The following APH1B variants were observed in gnomAD, a reference collection of about 807,000 sequenced individuals.
The protein encoded by APH1B is gamma-secretase subunit APH-1B.
Under a neutral mutation model 28.2 loss-of-function variants are expected in APH1B, and 27 were observed. The observed-to-expected ratio is 0.96, with a 90% CI of 0.70 to 1.32. The LOEUF (loss-of-function observed/expected upper bound fraction) is 1.32, where lower values mean the gene tolerates loss of function less well. Among genes scored for constraint, APH1B ranks in the 40% most tolerant of loss-of-function variants. The probability of loss-of-function intolerance (pLI) is 0.00; values close to 1 mark genes in which losing one functional copy is unlikely to be tolerated. For missense variants in APH1B, 305 were observed against 313.6 expected (o/e 0.97, Z 0.21); for synonymous variants, 141 against 124.6 (o/e 1.13, Z -0.88).
At chr15:63,286,735 C>T (rs1329808531) in intron 3 of APH1B, 107 bp downstream of exon 3, 1 of 1,047,762 alleles carries the variant, frequency 9.5e-7, no homozygotes, top group Non-Finnish European at 1.4e-6. Context: ...TTTATTACTG[C>T]CTTGGCCTAT....
At chr15:63,296,239 C>T (rs1167243069) in intron 4 of APH1B, among the ~76,000 whole-genome samples, 2 of 152,180 alleles carry the variant, frequency 1.3e-5, no homozygotes, top group Non-Finnish European at 2.9e-5. Flanking sequence ...GGAGGAGTGT[C>T]TCCTGCTTCA....
chr15:63,281,534 G>GAAAAAAAAAAAA (rs58991721), intron 2 of APH1B, among the ~76,000 whole-genome samples: 1 of 115,372 alleles, frequency 8.7e-6, no homozygotes, highest in Non-Finnish European at 1.9e-5. Flanking sequence ...GTCTAATTTT[G>GAAAAAAAAAAAA]AAAAAAAAAA....
At chr15:63,278,930 A>G (rs1401072127) in intron 1 of APH1B, among the ~76,000 whole-genome samples, 5 of 152,238 alleles carry the variant, frequency 3.3e-5, no homozygotes, top group Admixed American at 3.3e-4. Flanking sequence ...CATTGAAAAA[A>G]GTAATTGTTG....
At chr15:63,303,926 C>T (rs930531280) in intron 5 of APH1B, among the ~76,000 whole-genome samples, 4 of 149,414 alleles carry the variant, frequency 2.7e-5, no homozygotes, top group Admixed American at 2.7e-4. Flanking sequence ...GGGTATACGC[C>T]TAGGAGTGGG....
rs71394506 is a variant in APH1B, at chr15:63,308,827, A to T, written c.*3046A>T. On this transcript the variant is annotated 3_prime_UTR_variant, in exon 6 of 6. Transcript: ENST00000261879. ...TTTTTTTCTGGGCTCCACCATTCCTAACTCCAGGTAGACAAGATAGATGTC... is the reference window on the plus strand; with the variant it reads ...TTTTTTTCTGGGCTCCACCATTCCTTACTCCAGGTAGACAAGATAGATGTC... The T allele has an allele frequency of 0.064, 9,752 of 152,230 alleles. 411 individuals carry two copies. The highest frequency in any genetic ancestry group is 0.15 in the Middle Eastern group (43 of 294). The allele number at this position is 152,230 out of a possible 1,614,324, so 9.4% of individuals were successfully genotyped here. A position where few individuals can be genotyped will look rare whatever the true frequency, so the allele number is the denominator to read the frequency against.
intron 1 of APH1B, 98 bp downstream of exon 1, chr15:63,277,834 G>A: frequency 2.5e-6 from 3 of 1,208,640 alleles, no homozygotes; most frequent in Non-Finnish European, 2.3e-6. Flanking sequence ...GCTCGACCTT[G>A]TTGCGTTTCA....
rs1434114598 is a variant in APH1B at position 63,308,209 on chromosome 15, A to G, written c.*2428A>G. 1.3e-5 allele frequency: 2 copies of G among 152,216 alleles called. No homozygotes were observed. The highest frequency in any genetic ancestry group is 1.3e-4 in the Admixed American group (2 of 15,284). 9.4% of individuals were successfully genotyped at this position (152,216 alleles called of 1,614,324 possible). On this transcript the variant is annotated 3_prime_UTR_variant, in exon 6 of 6. Transcript: ENST00000261879. The stretch of plus-strand genomic sequence containing the variant: ...CTTCCATTCAGGATTTTCTGCTTGG[A>G]GGGAAATATGTTGACCTTAGAGAAT...
At chr15:63,302,572 A>C in intron 5 of APH1B, 100 bp downstream of exon 5, 1 of 1,435,908 alleles carries the variant, frequency 7.0e-7, no homozygotes, top group African/African-American at 1.4e-5. Context: ...TCATGAGAAC[A>C]TGAGGAAATT....
rs1185672123 is a variant in APH1B at position 63,308,757 on chromosome 15, CA to C, written c.*2977del. The stretch of plus-strand genomic sequence containing the variant: ...GTGACGGGCACCAGCGGCCTGATTC[CA>C]GGGAAGAGTTCCTGGAGGGTGTTGG... On this transcript the variant is annotated 3_prime_UTR_variant, in exon 6 of 6. Coordinates refer to ENST00000261879, the MANE Select transcript of APH1B (RefSeq NM_031301.4). 2 of 152,252 alleles carry C rather than the reference CA, an allele frequency of 1.3e-5. No homozygotes were observed. Among genetic ancestry groups the C allele is most frequent in the African/African-American group, 4.8e-5 (2 of 41,464 alleles). The allele number at this position is 152,252 out of a possible 1,614,324, so 9.4% of individuals were successfully genotyped here. A position where few individuals can be genotyped will look rare whatever the true frequency, so the allele number is the denominator to read the frequency against.
intron 3 of APH1B, chr15:63,287,093 TA>T (rs1439661498): frequency 3.8e-6 from 1 of 260,444 alleles, no homozygotes; most frequent in Non-Finnish European, 7.3e-6. Flanking sequence ...CCATCAAACT[TA>T]ACTCTGTAGA....
intron 4 of APH1B, among the ~76,000 whole-genome samples, chr15:63,291,337 C>G (rs1020460840): frequency 6.6e-6 from 1 of 152,136 alleles, no homozygotes; most frequent in Non-Finnish European, 1.5e-5. Flanking sequence ...TAAAAAAGAA[C>G]AGCTGATCAT....
chr15:63,298,907 A>G (rs1439561222), intron 4 of APH1B, among the ~76,000 whole-genome samples: 3 of 152,068 alleles, frequency 2.0e-5, no homozygotes, highest in Non-Finnish European at 2.9e-5. Context: ...TAAAAAAAAA[A>G]AAAAAGGAGG....
At chr15:63,295,922 T>C (rs1192907358) in intron 4 of APH1B, among the ~76,000 whole-genome samples, 2 of 152,230 alleles carry the variant, frequency 1.3e-5, no homozygotes, top group African/African-American at 2.4e-5. Context: ...CTCCCAATGC[T>C]GACTCCACAG....
Position 63,287,520 on chromosome 15 carries a change from A to T in APH1B, c.452A>T (p.Asp151Val). 2 of 1,613,880 alleles carry T rather than the reference A, an allele frequency of 1.2e-6. No homozygotes were observed. The highest frequency in any genetic ancestry group is 1.7e-6 in the Non-Finnish European group (2 of 1,179,844). The part of the protein sequence containing the change: ...LGPGTVGIHG[D>V]SPQFFLYSAF... ...CCAGGCACAGTGGGCATTCATGGAG[A>T]TTCTCCTCAATTCTTCCTTTATTCA... The change falls in exon 4 of 6, where the codon GAT (aspartate) becomes GTT (valine). Residue 151 changes from aspartate (D) to valine (V), a missense_variant. Physicochemically the swap from Asp to Val is radical, Grantham distance 152. Transcript: ENST00000261879.
At chr15:63,295,649 G>C (rs2038557912) in intron 4 of APH1B, among the ~76,000 whole-genome samples, 1 of 152,090 alleles carries the variant, frequency 6.6e-6, no homozygotes, top group Non-Finnish European at 1.5e-5. Context: ...AGCACCCCTG[G>C]CCTCTGTCCA....
rs751384586 is a variant in APH1B, at chr15:63,306,687, G to A, written c.*906G>A. 3.3e-5 allele frequency: 5 copies of A among 152,276 alleles called. No individual in the cohort carries two copies. The highest frequency in any genetic ancestry group is 6.5e-5 in the Admixed American group (1 of 15,290). The allele number at this position is 152,276 out of a possible 1,614,324, so 9.4% of individuals were successfully genotyped here. A position where few individuals can be genotyped will look rare whatever the true frequency, so the allele number is the denominator to read the frequency against. On this transcript the variant is annotated 3_prime_UTR_variant, in exon 6 of 6. Transcript: ENST00000261879. ...TCTGAGCAGCTGTGCGGGGAGCTGAGTGATGTGCCCTGGGACAGGCTTCAC... is the reference window on the plus strand; with the variant it reads ...TCTGAGCAGCTGTGCGGGGAGCTGAATGATGTGCCCTGGGACAGGCTTCAC...
chr15:63,281,586 A>G lies in APH1B; in HGVS notation c.284+2255A>G, dbSNP rs530200764. On this transcript the variant is annotated intron_variant, in intron 2 of 5. Transcript: ENST00000261879. The stretch of plus-strand genomic sequence containing the variant: ...ACACAATTTCTAATACAGAATTTAA[A>G]GTTTAGGACTTGTATGTTCTAAAAC... 3.0e-4 allele frequency among the ~76,000 whole-genome samples: 46 copies of G among 152,040 alleles called. 1 individual carries two copies. The South Asian group carries it at 9.6e-3, about 32-fold the overall frequency.
At chr15:63,295,145 A>C (rs1383566424) in intron 4 of APH1B, among the ~76,000 whole-genome samples, 3 of 152,246 alleles carry the variant, frequency 2.0e-5, no homozygotes, top group African/African-American at 7.2e-5. Context: ...ATCAGGTTTG[A>C]GAGCTTGTTT....
intron 4 of APH1B, among the ~76,000 whole-genome samples, chr15:63,290,368 TG>T (rs2038492747): frequency 6.6e-6 from 1 of 152,368 alleles, no homozygotes; most frequent in African/African-American, 2.4e-5. Context: ...GTATGGGAAT[TG>T]GAATCCTAGG....
Sources: gnomAD v4.1 joint callset for allele counts (sites outside exome capture counted in the v4.1 genomes callset) on GRCh38, gnomAD v4.1.1 for gene constraint, MANE v1.5 for transcripts, NCBI Gene and HGNC (gene_info 2026-07-23, HGNC 2026-07-21) for gene names.